The following SRBD1 variants were observed in gnomAD, a reference collection of about 807,000 sequenced individuals.
SRBD1 encodes the protein S1 RNA-binding domain-containing protein 1.
SRBD1 carries 88 observed loss-of-function variants against 115.3 expected under a neutral mutation model. The observed-to-expected ratio is 0.76, with a 90% confidence interval of 0.64 to 0.91. The LOEUF (loss-of-function observed/expected upper bound fraction) is 0.91, where lower values mean the gene tolerates loss of function less well. Among genes scored for constraint, SRBD1 ranks in the 40% least tolerant of loss-of-function variants. The pLI, the probability that SRBD1 is intolerant of heterozygous loss-of-function variation, is 0.00. For missense variants in SRBD1, 1,385 were observed against 1,177.4 expected, an observed-to-expected ratio of 1.18 and a Z score of -2.58; for synonymous variants, 509 against 407.7, an observed-to-expected ratio of 1.25 and a Z score of -2.99.
intron 16 of SRBD1, among the ~76,000 whole-genome samples, chr2:45,439,882 C>G (rs763372318): frequency 6.6e-5 from 10 of 152,048 alleles, no homozygotes; most frequent in Non-Finnish European, 1.0e-4. Context: ...CAGCAGTGCC[C>G]TTAACATCTG....
At chr2:45,463,193 C>T (rs566142464) in intron 16 of SRBD1, among the ~76,000 whole-genome samples, 17 of 152,238 alleles carry the variant, frequency 1.1e-4, no homozygotes, top group African/African-American at 1.7e-4. Flanking sequence ...CATAATTCAA[C>T]GAGGCCACCC....
intron 15 of SRBD1, among the ~76,000 whole-genome samples, chr2:45,478,828 A>G (rs1391370902): frequency 6.6e-6 from 1 of 152,190 alleles, no homozygotes; most frequent in Non-Finnish European, 1.5e-5. Context: ...GAATACAGGG[A>G]TACCTCATTG....
At chr2:45,605,215 T>C (rs1363777245) in intron 2 of SRBD1, 147 bp downstream of exon 2, 5 of 650,930 alleles carry the variant, frequency 7.7e-6, no homozygotes, top group South Asian at 1.9e-5. Context: ...GAACACAGCA[T>C]GAGTTCAACA....
chr2:45,562,495 G>A (rs1672698787), intron 10 of SRBD1, among the ~76,000 whole-genome samples, 158 bp downstream of exon 10: 1 of 152,202 alleles, frequency 6.6e-6, no homozygotes, highest in South Asian at 2.1e-4. Context: ...GCCTCCGAAA[G>A]TGCTGGGATT....
At chr2:45,458,894 AAT>A (rs1426926135) in intron 16 of SRBD1, among the ~76,000 whole-genome samples, 5 of 151,940 alleles carry the variant, frequency 3.3e-5, no homozygotes, top group African/African-American at 1.2e-4. Context: ...CGTTTTGGCA[AAT>A]ATTATATGAC....
chr2:45,602,449 G>A (rs537946289), intron 2 of SRBD1, among the ~76,000 whole-genome samples: 6 of 152,304 alleles, frequency 3.9e-5, no homozygotes, highest in South Asian at 2.1e-4. Context: ...ACAGTGAAAA[G>A]CACTTAAATA....
chr2:45,602,185 G>A lies in SRBD1; in HGVS notation c.81-102C>T, dbSNP rs1474544588. ...TTGAAAAAATGATAAAGTAGGAGGTGTTTAATATAAAATGGAGTGATTGAG... is the reference window on the plus strand; with the variant it reads ...TTGAAAAAATGATAAAGTAGGAGGTATTTAATATAAAATGGAGTGATTGAG... On this transcript the variant is annotated intron_variant, in intron 2 of 20. Transcript: ENST00000263736. The A allele has an allele frequency of 3.0e-6, 4 of 1,340,600 alleles. No homozygotes were observed. In the African/African-American group the frequency reaches 5.8e-5, roughly 20 times the overall value. The allele number at this position is 1,340,600 out of a possible 1,614,324, so 83.0% of individuals were successfully genotyped here.
intron 4 of SRBD1, among the ~76,000 whole-genome samples, chr2:45,593,403 G>A (rs1464472417): frequency 6.6e-6 from 1 of 152,150 alleles, no homozygotes; most frequent in Non-Finnish European, 1.5e-5. Flanking sequence ...CCAAGTGGAA[G>A]CAATGAATTA....
At chr2:45,569,983 G>A (rs1672958958) in intron 9 of SRBD1, among the ~76,000 whole-genome samples, 1 of 152,216 alleles carries the variant, frequency 6.6e-6, no homozygotes, top group African/African-American at 2.4e-5. Flanking sequence ...CACTAGAGCA[G>A]AAGTTAGCAA....
chr2:45,418,589 G>T, intron 17 of SRBD1, 48 bp from the exon 18 acceptor site: 3 of 1,418,568 alleles, frequency 2.1e-6, no homozygotes, highest in Non-Finnish European at 1.9e-6. Context: ...CATCTGAAAA[G>T]ACAATGATAT....
chr2:45,587,201 AATT>A (rs986832257), intron 4 of SRBD1, among the ~76,000 whole-genome samples: 1 of 139,112 alleles, frequency 7.2e-6, no homozygotes, highest in African/African-American at 2.5e-5. Context: ...TTAAATATTT[AATT>A]ATTTTAAAAT....
intron 14 of SRBD1, among the ~76,000 whole-genome samples, chr2:45,540,223 C>A (rs931027209): frequency 3.3e-5 from 5 of 151,946 alleles, no homozygotes; most frequent in Admixed American, 2.0e-4. Flanking sequence ...CGCCTGTAAT[C>A]CCAGCTACTC....
At chr2:45,449,751 T>C (rs1178420857) in intron 16 of SRBD1, among the ~76,000 whole-genome samples, 1 of 152,206 alleles carries the variant, frequency 6.6e-6, no homozygotes, top group Non-Finnish European at 1.5e-5. Flanking sequence ...CTCTTATGGA[T>C]ATGCTGTGGA....
chr2:45,557,824 A>C (rs1672530344), intron 10 of SRBD1, among the ~76,000 whole-genome samples: 1 of 152,316 alleles, frequency 6.6e-6, no homozygotes, highest in East Asian at 1.9e-4. Flanking sequence ...TTCTTCCTCT[A>C]ATTCAACAGT....
chr2:45,464,239 C>CT (rs1669412192), intron 16 of SRBD1, among the ~76,000 whole-genome samples: 1 of 152,184 alleles, frequency 6.6e-6, no homozygotes, highest in Non-Finnish European at 1.5e-5. Flanking sequence ...CTAATGCTCT[C>CT]TGGCCCTAAA....
At chr2:45,439,386 T>C (rs10167229) in intron 16 of SRBD1, among the ~76,000 whole-genome samples, 14,117 of 146,220 alleles carry the variant, frequency 0.097, 998 homozygotes, top group African/African-American at 0.2. Context: ...TATAAAACAA[T>C]TGATGAATGC....
At chr2:45,571,183 G>A (rs571505356) in intron 9 of SRBD1, among the ~76,000 whole-genome samples, 1 of 152,050 alleles carries the variant, frequency 6.6e-6, no homozygotes, top group African/African-American at 2.4e-5. Context: ...GCCTCACTAA[G>A]TGTTGAAGGA....
chr2:45,430,923 A>G (rs1164177627), intron 16 of SRBD1, among the ~76,000 whole-genome samples: 1 of 152,244 alleles, frequency 6.6e-6, no homozygotes, highest in Non-Finnish European at 1.5e-5. Flanking sequence ...TCCAGAATCT[A>G]CAACGAACTT....
chr2:45,573,254 G>A lies in SRBD1; in HGVS notation c.1258C>T (p.Leu420Phe). 1 of 1,611,980 alleles carries A rather than the reference G, an allele frequency of 6.2e-7. No individual in the cohort carries two copies. Among genetic ancestry groups the A allele is most frequent in the African/African-American group, 1.3e-5 (1 of 74,906 alleles). ...ATGTTGCAGGAAAAATGCTGGTAGA[G>A]CAGAAACTTATCAACATCTTTCTCA... ...VNEKDVDKFLLYQHFSCNIRN... is the reference protein window; with the variant it reads ...VNEKDVDKFLFYQHFSCNIRN... Residue 420 changes from leucine to phenylalanine, a missense_variant, in exon 9 of 21, where the codon CTC (leucine) becomes TTC (phenylalanine). Leu to Phe is a conservative substitution (Grantham distance 22). Transcript: ENST00000263736.
Sources: gnomAD v4.1 joint callset for allele counts (sites outside exome capture counted in the v4.1 genomes callset) on GRCh38, gnomAD v4.1.1 for gene constraint, MANE v1.5 for transcripts, NCBI Gene and HGNC (gene_info 2026-07-23, HGNC 2026-07-21) for gene names.